ABCG1: variants seen among roughly 807,000 people sequenced by gnomAD.
ABCG1 encodes ATP binding cassette subfamily G member 1.
A neutral mutation model predicts 69.2 loss-of-function variants in ABCG1; 29 were observed. The observed-to-expected ratio is 0.42, with a 90% CI of 0.31 to 0.57. The LOEUF (loss-of-function observed/expected upper bound fraction) is 0.57, where lower values mean the gene tolerates loss of function less well. ABCG1 is among the 20% of genes least tolerant of loss of function. ABCG1 has a pLI of 0.15. For missense variants in ABCG1, 718 were observed against 898.1 expected, an observed-to-expected ratio of 0.80 and a Z score of 2.56; for synonymous variants, 370 against 374.8, an observed-to-expected ratio of 0.99 and a Z score of 0.15.
chr21:42,220,123 C>T lies in ABCG1; in HGVS notation c.42+819C>T, dbSNP rs1193502806. The T allele has an allele frequency of 3.0e-6, 4 of 1,346,730 alleles. No individual in the cohort carries two copies. In the African/African-American group the frequency reaches 5.8e-5, roughly 20 times the overall value. 83.4% of individuals were successfully genotyped at this position (1,346,730 alleles called of 1,614,324 possible). Reference sequence around the variant, plus strand: ...CATTAGGAACAAACAACAAACCAATCATCAGGCCCCCAGCCACCCACCTCA... The same window carrying T: ...CATTAGGAACAAACAACAAACCAATTATCAGGCCCCCAGCCACCCACCTCA... On this transcript the variant is annotated intron_variant, in intron 1 of 14. Transcript: ENST00000398449.
chr21:42,246,588 G>A (rs1462297598), intron 2 of ABCG1, among the ~76,000 whole-genome samples: 1 of 152,098 alleles, frequency 6.6e-6, no homozygotes, highest in African/African-American at 2.4e-5. Context: ...AAGATACAAT[G>A]GCGTATGTGT....
chr21:42,224,958 T>TA (rs2067791504), intron 1 of ABCG1, among the ~76,000 whole-genome samples: 1 of 151,416 alleles, frequency 6.6e-6, no homozygotes, highest in Non-Finnish European at 1.5e-5. Context: ...TTTTTTTTTT[T>TA]ATGACTCAAA....
At chr21:42,214,077 G>A (rs892816625), upstream of ABCG1, among the ~76,000 whole-genome samples, 2 of 152,222 alleles carry the variant, frequency 1.3e-5, no homozygotes, top group East Asian at 1.9e-4. Context: ...GGAGGGCCAG[G>A]GGTGGAATGC....
intron 2 of ABCG1, among the ~76,000 whole-genome samples, chr21:42,260,983 G>A (rs569472696): frequency 7.9e-5 from 12 of 152,126 alleles, no homozygotes; most frequent in African/African-American, 2.2e-4. Flanking sequence ...CACCACACCC[G>A]GCTAATTTTT....
rs56292133 is a variant in ABCG1, at chr21:42,296,473, C to T, written c.*81C>T. 0.013 allele frequency: 16,184 copies of T among 1,272,390 alleles called. 180 individuals carry two copies. Among genetic ancestry groups the T allele is most frequent in the South Asian group, 0.033 (2,663 of 79,714 alleles). The allele number at this position is 1,272,390 out of a possible 1,614,324, so 78.8% of individuals were successfully genotyped here. A position where few individuals can be genotyped will look rare whatever the true frequency, so the allele number is the denominator to read the frequency against. On this transcript the variant is annotated 3_prime_UTR_variant, in exon 15 of 15. Coordinates refer to ENST00000398449, the MANE Select transcript of ABCG1 (RefSeq NM_016818.3). This position sits in a 1 kb window ranked among gnomAD's most constrained non-coding sequence, Gnocchi z 5.4. ...AGAATCGAGGAGGCAAGCCTGTGCC[C>T]GACCGACGACACAGAGACTCTTCTG...
At chr21:42,252,528 C>T (rs3787981) in intron 2 of ABCG1, among the ~76,000 whole-genome samples, 1 of 151,996 alleles carries the variant, frequency 6.6e-6, no homozygotes, top group Non-Finnish European at 1.5e-5. Flanking sequence ...ACACTTCTTT[C>T]GTTGTCCTGT....
At chr21:42,202,466 G>A (rs540595989) in intron 2 of ABCG1, among the ~76,000 whole-genome samples, 4 of 152,160 alleles carry the variant, frequency 2.6e-5, no homozygotes, top group African/African-American at 9.6e-5. Context: ...GAAAACCGGG[G>A]GCCGGCAGGT....
chr21:42,275,255 T>C (rs2068689505), intron 4 of ABCG1, among the ~76,000 whole-genome samples: 2 of 152,176 alleles, frequency 1.3e-5, no homozygotes, highest in Non-Finnish European at 2.9e-5. Flanking sequence ...TGTGGGGCTG[T>C]TCCCATTCGT....
chr21:42,264,434 C>T (rs2068467016), intron 2 of ABCG1, among the ~76,000 whole-genome samples: 1 of 152,086 alleles, frequency 6.6e-6, no homozygotes, highest in Non-Finnish European at 1.5e-5. Context: ...TCCATCCATC[C>T]ATCCGTCAAT....
chr21:42,203,432 A>G (rs890219655), intron 2 of ABCG1, among the ~76,000 whole-genome samples: 10 of 152,070 alleles, frequency 6.6e-5, no homozygotes, highest in African/African-American at 2.4e-4. Flanking sequence ...CACATCTATG[A>G]TGCATTTTGA....
chr21:42,225,944 G>C, intron 2 of ABCG1, 30 bp downstream of exon 2: 1 of 1,602,168 alleles, frequency 6.2e-7, no homozygotes, highest in Non-Finnish European at 8.5e-7. Context: ...TGTGTATCAA[G>C]CTGGGAGGAG....
At chr21:42,206,791 T>C (rs1163039153) in intron 2 of ABCG1, among the ~76,000 whole-genome samples, 2 of 152,172 alleles carry the variant, frequency 1.3e-5, no homozygotes, top group African/African-American at 2.4e-5. Flanking sequence ...CTTCATTTCA[T>C]CATTATTTTA....
chr21:42,243,599 T>A (rs1481221161), intron 2 of ABCG1, among the ~76,000 whole-genome samples: 1 of 151,930 alleles, frequency 6.6e-6, no homozygotes, highest in Non-Finnish European at 1.5e-5. Context: ...TCCATCATCA[T>A]CTGATTTATC....
chr21:42,276,671 C>T lies in ABCG1; in HGVS notation c.538-224C>T, dbSNP rs2068715730. 3.8e-6 allele frequency: 2 copies of T among 532,904 alleles called. No individual in the cohort carries two copies. Among genetic ancestry groups the T allele is most frequent in the East Asian group, 6.2e-5 (2 of 32,314 alleles). 33.0% of individuals were successfully genotyped at this position (532,904 alleles called of 1,614,324 possible). ...CCGTGGCTAGTGGCCTTATGCCTAG[C>T]TGCACTGTGGATAGCTGCACCGTGA... On this transcript the variant is annotated intron_variant, in intron 4 of 14. Coordinates refer to ENST00000398449, the MANE Select transcript of ABCG1 (RefSeq NM_016818.3). The surrounding 1 kb of genome is among the most constrained non-coding windows in gnomAD (Gnocchi z 5.3).
Position 42,226,356 on chromosome 21 carries a change from C to G in ABCG1, c.286+442C>G, listed in dbSNP as rs1470283566. On this transcript the variant is annotated intron_variant, in intron 2 of 14. Transcript: ENST00000398449. Reference sequence around the variant, plus strand: ...AGTGGCCAGTGACCTAGACTGACCTCTCCAGAGACCCATCTTGAAAGGATT... The same window carrying G: ...AGTGGCCAGTGACCTAGACTGACCTGTCCAGAGACCCATCTTGAAAGGATT... Among the ~76,000 whole-genome samples, 4 of 152,212 alleles carry G rather than the reference C, an allele frequency of 2.6e-5. No homozygotes were observed. The East Asian group carries it at 7.7e-4, about 29-fold the overall frequency.
intron 1 of ABCG1, among the ~76,000 whole-genome samples, chr21:42,223,411 C>G (rs1450852458): frequency 6.6e-6 from 1 of 152,176 alleles, no homozygotes; most frequent in Non-Finnish European, 1.5e-5. Context: ...TGGCTCTTGG[C>G]TTGACCTATT....
At chr21:42,257,038 G>A (rs1202730797) in intron 2 of ABCG1, among the ~76,000 whole-genome samples, 1 of 152,216 alleles carries the variant, frequency 6.6e-6, no homozygotes, top group Non-Finnish European at 1.5e-5. Context: ...TCAATGTGAG[G>A]CATTTCGAAC....
At chr21:42,256,916 G>A (rs960959788) in intron 2 of ABCG1, among the ~76,000 whole-genome samples, 9 of 152,214 alleles carry the variant, frequency 5.9e-5, no homozygotes, top group East Asian at 3.8e-4. Context: ...CCCTCTTGCC[G>A]TCCTTCTCAC....
rs978660298 is a variant in ABCG1, at chr21:42,200,940, T to C, written c.-99-637T>C. Among the ~76,000 whole-genome samples, 6 of 152,324 alleles carry C rather than the reference T, an allele frequency of 3.9e-5. 1 individual carries two copies. The highest frequency in any genetic ancestry group is 3.3e-4 in the Admixed American group (5 of 15,298). The stretch of plus-strand genomic sequence containing the variant: ...TTCTTATTTTATTGTTTTTCATTTT[T>C]CTTACGTCCCGAGGTACATGTGCAG... On this transcript the variant is annotated intron_variant, in intron 1 of 15. Transcript: ENST00000398457.
Sources: allele counts gnomAD v4.1 joint callset (sites outside exome capture counted in the v4.1 genomes callset), GRCh38; gene constraint gnomAD v4.1.1; non-coding constraint Gnocchi (gnomAD v3.1); transcripts MANE v1.5; gene names NCBI Gene and HGNC (gene_info 2026-07-23, HGNC 2026-07-21).